The following MACROD2 variants were observed in gnomAD, a reference collection of about 807,000 sequenced individuals.
MACROD2 encodes the protein ADP-ribose glycohydrolase MACROD2.
In MACROD2, 36 loss-of-function variants were observed where a neutral mutation model predicts 70.4. The ratio of observed to expected loss-of-function variants is 0.51; its 90% CI spans 0.39 to 0.68. MACROD2 has a LOEUF of 0.68. Among genes scored for constraint, MACROD2 ranks in the 30% least tolerant of loss-of-function variants. The pLI is 0.00. For missense variants in MACROD2, 496 were observed against 538.4 expected (o/e 0.92, Z 0.78); for synonymous variants, 172 against 178.8 (o/e 0.96, Z 0.30).
intron 5 of MACROD2, among the ~76,000 whole-genome samples, chr20:14,919,534 C>A (rs1271921907): frequency 3.3e-5 from 5 of 152,200 alleles, no homozygotes; most frequent in Non-Finnish European, 7.3e-5. Flanking sequence ...TGCCTTCTTG[C>A]AAGCAACCAG....
intron 4 of MACROD2, among the ~76,000 whole-genome samples, chr20:14,612,793 C>A (rs900056832): frequency 4.6e-5 from 7 of 151,964 alleles, no homozygotes; most frequent in African/African-American, 1.7e-4. Flanking sequence ...TTTTTAAATT[C>A]TAAAAGTATT....
At chr20:14,753,497 TTAC>T (rs1358268007) in intron 5 of MACROD2, among the ~76,000 whole-genome samples, 5 of 152,132 alleles carry the variant, frequency 3.3e-5, no homozygotes, top group Non-Finnish European at 7.3e-5. Context: ...CTTAAATAGA[TTAC>T]TATCAATATC....
intron 15 of MACROD2, among the ~76,000 whole-genome samples, chr20:16,013,229 G>A (rs2066886743): frequency 6.6e-6 from 1 of 152,132 alleles, no homozygotes; most frequent in South Asian, 2.1e-4. Context: ...TCTAGGAAGA[G>A]AAGAGGGTGG....
intron 5 of MACROD2, among the ~76,000 whole-genome samples, chr20:14,948,413 C>A (rs1432270198): frequency 6.6e-6 from 1 of 152,210 alleles, no homozygotes; most frequent in African/African-American, 2.4e-5. Flanking sequence ...TTGGCTTTAA[C>A]AGTGGGTGGC....
chr20:14,136,370 G>A (rs1480330124), intron 3 of MACROD2, among the ~76,000 whole-genome samples: 2 of 152,170 alleles, frequency 1.3e-5, no homozygotes, highest in Non-Finnish European at 1.5e-5. Flanking sequence ...TTGGGAGGCC[G>A]AGACAGACCT....
intron 15 of MACROD2, among the ~76,000 whole-genome samples, chr20:15,988,089 G>A (rs978917609): frequency 1.3e-5 from 2 of 152,086 alleles, no homozygotes; most frequent in African/African-American, 2.4e-5. Flanking sequence ...CTTGGCAGGG[G>A]CATTGACAGT....
intron 8 of MACROD2, among the ~76,000 whole-genome samples, chr20:15,678,762 C>T (rs1476492386): frequency 1.3e-5 from 2 of 151,628 alleles, no homozygotes; most frequent in Non-Finnish European, 2.9e-5. Flanking sequence ...GAAGGTATGG[C>T]AGGATGGGAG....
chr20:15,468,411 C>G (rs2046923022), intron 7 of MACROD2, among the ~76,000 whole-genome samples: 1 of 152,166 alleles, frequency 6.6e-6, no homozygotes, highest in Admixed American at 6.5e-5. Context: ...TGTTCCTGTT[C>G]CATTCCTCAT....
intron 10 of MACROD2, among the ~76,000 whole-genome samples, chr20:15,930,528 C>T (rs1465814246): frequency 6.6e-6 from 1 of 152,166 alleles, no homozygotes; most frequent in Non-Finnish European, 1.5e-5. Context: ...TTGATGAAAG[C>T]AATATACCTG....
chr20:14,457,470 G>A lies in MACROD2; in HGVS notation c.272-36009G>A, dbSNP rs189376942. On this transcript the variant is annotated intron_variant, in intron 3 of 17. Coordinates refer to ENST00000684519, the MANE Select transcript of MACROD2 (RefSeq NM_001351661.2). ...ATACCTTTTAACTGGCTATGACATA[G>A]CAAAGAAATATTCTCTTTCTTTTAC... Among the ~76,000 whole-genome samples, 5 of 152,170 alleles carry A rather than the reference G, an allele frequency of 3.3e-5. No homozygotes were observed. The East Asian group carries it at 7.7e-4, about 24-fold the overall frequency.
intron 3 of MACROD2, among the ~76,000 whole-genome samples, chr20:14,185,129 A>G (rs2081334623): frequency 6.6e-6 from 1 of 152,152 alleles, no homozygotes; most frequent in South Asian, 2.1e-4. Context: ...TGTTGAATCA[A>G]TTCAATGCAT....
intron 8 of MACROD2, among the ~76,000 whole-genome samples, chr20:15,563,249 T>C (rs1280304115): frequency 6.6e-6 from 1 of 152,196 alleles, no homozygotes; most frequent in African/African-American, 2.4e-5. Flanking sequence ...TGAGAGATAC[T>C]AGTCTAGCTT....
chr20:14,195,688 C>A (rs754654258), intron 3 of MACROD2, among the ~76,000 whole-genome samples: 5 of 152,088 alleles, frequency 3.3e-5, no homozygotes, highest in Non-Finnish European at 5.9e-5. Flanking sequence ...GGGGAGCACG[C>A]CGGATGCTAG....
chr20:15,333,056 T>C (rs902814164), intron 6 of MACROD2, among the ~76,000 whole-genome samples: 1 of 151,604 alleles, frequency 6.6e-6, no homozygotes, highest in Non-Finnish European at 1.5e-5. Context: ...TCTTGAATAA[T>C]TGGAAGAAAT....
chr20:14,544,349 T>TA (rs1446332233), intron 4 of MACROD2, among the ~76,000 whole-genome samples: 1 of 152,096 alleles, frequency 6.6e-6, no homozygotes, highest in Admixed American at 6.6e-5. Context: ...AAAATGAGTT[T>TA]AAAATCAGAC....
intron 8 of MACROD2, among the ~76,000 whole-genome samples, chr20:15,770,793 G>C (rs2051611497): frequency 6.6e-6 from 1 of 152,006 alleles, no homozygotes; most frequent in Non-Finnish European, 1.5e-5. Context: ...CTTAATCTAA[G>C]CCCTTAGATA....
intron 5 of MACROD2, among the ~76,000 whole-genome samples, chr20:14,952,595 T>C (rs1375108725): frequency 6.6e-6 from 1 of 152,172 alleles, no homozygotes; most frequent in Non-Finnish European, 1.5e-5. Flanking sequence ...GCAACTCACA[T>C]TAGTATTGAT....
At chr20:15,096,209 A>T (rs1031185943) in intron 5 of MACROD2, among the ~76,000 whole-genome samples, 1 of 152,034 alleles carries the variant, frequency 6.6e-6, no homozygotes, top group Non-Finnish European at 1.5e-5. Context: ...GGGGCCAAAG[A>T]GTTTGATTTG....
intron 3 of MACROD2, among the ~76,000 whole-genome samples, chr20:14,201,668 C>T (rs571940302): frequency 1.8e-4 from 27 of 151,632 alleles, no homozygotes; most frequent in African/African-American, 3.1e-4. Context: ...GGTGAAACTC[C>T]GTCTCTACTA....
Sources: gnomAD v4.1 joint callset for allele counts (sites outside exome capture counted in the v4.1 genomes callset) on GRCh38, gnomAD v4.1.1 for gene constraint, MANE v1.5 for transcripts, NCBI Gene and HGNC (gene_info 2026-07-23, HGNC 2026-07-21) for gene names.